ADAMTS6: variants seen among roughly 807,000 people sequenced by gnomAD.
ADAMTS6 encodes the protein ADAM metallopeptidase with thrombospondin type 1 motif 6, also known as A disintegrin and metalloproteinase with thrombospondin motifs 6.
ADAMTS6 carries 23 observed loss-of-function variants against 144.3 expected under a neutral mutation model. The ratio of observed to expected loss-of-function variants is 0.16; its 90% CI spans 0.11 to 0.23. The LOEUF is 0.23. ADAMTS6 is among the 10% of genes least tolerant of loss of function. The pLI, the probability that ADAMTS6 is intolerant of heterozygous loss-of-function variation, is 1.00. For synonymous variants in ADAMTS6, 444 were observed against 457.5 expected, an observed-to-expected ratio of 0.97 and a Z score of 0.38; for missense variants, 999 against 1,379.6, an observed-to-expected ratio of 0.72 and a Z score of 4.37.
intron 7 of ADAMTS6, among the ~76,000 whole-genome samples, chr5:65,385,672 T>C (rs1313051757): frequency 6.6e-6 from 1 of 152,238 alleles, no homozygotes. Context: ...TGATTCCCAA[T>C]AAATTTCTAA....
At chr5:65,232,521 A>C (rs760682987) in intron 15 of ADAMTS6, among the ~76,000 whole-genome samples, 28 of 152,228 alleles carry the variant, frequency 1.8e-4, no homozygotes, top group Non-Finnish European at 3.8e-4. Context: ...AGGAGACATT[A>C]CAACAGACAC....
At chr5:65,221,971 T>C (rs914644122) in intron 18 of ADAMTS6, among the ~76,000 whole-genome samples, 1 of 152,080 alleles carries the variant, frequency 6.6e-6, no homozygotes, top group Admixed American at 6.5e-5. Context: ...GGTGAAAAAA[T>C]TTTAAAAAGA....
chr5:65,440,093 C>A (rs1167160557), intron 7 of ADAMTS6, among the ~76,000 whole-genome samples: 5 of 152,162 alleles, frequency 3.3e-5, no homozygotes, highest in Non-Finnish European at 7.3e-5. Flanking sequence ...CAGGCGTGAG[C>A]CACCATACCC....
chr5:65,298,705 G>T (rs768691629), intron 10 of ADAMTS6, among the ~76,000 whole-genome samples: 1 of 152,036 alleles, frequency 6.6e-6, no homozygotes, highest in Non-Finnish European at 1.5e-5. Flanking sequence ...GTTATCAGAA[G>T]AACTACCTTC....
At chr5:65,363,465 C>A (rs75696004) in intron 7 of ADAMTS6, among the ~76,000 whole-genome samples, 2,655 of 152,202 alleles carry the variant, frequency 0.017, 41 homozygotes, top group East Asian at 0.083. Context: ...AAAGTAAAAG[C>A]AAATGTTATC....
chr5:65,348,271 A>G (rs1225273909), intron 7 of ADAMTS6, among the ~76,000 whole-genome samples: 2 of 152,148 alleles, frequency 1.3e-5, no homozygotes, highest in African/African-American at 4.8e-5. Flanking sequence ...TCTATCTACA[A>G]CGAATGGATA....
intron 7 of ADAMTS6, among the ~76,000 whole-genome samples, chr5:65,335,096 C>G (rs1345155117): frequency 1.3e-5 from 2 of 151,952 alleles, no homozygotes; most frequent in Non-Finnish European, 2.9e-5. Context: ...CAAATAATCC[C>G]ATTCTTACTT....
intron 7 of ADAMTS6, 122 bp downstream of exon 7, chr5:65,451,353 A>T: frequency 2.8e-6 from 3 of 1,066,344 alleles, no homozygotes; most frequent in Non-Finnish European, 4.0e-6. Flanking sequence ...GTAGTGAAAA[A>T]TAAATTACCA....
intron 18 of ADAMTS6, among the ~76,000 whole-genome samples, chr5:65,223,152 C>T (rs2112380020): frequency 6.6e-6 from 1 of 152,200 alleles, no homozygotes; most frequent in Admixed American, 6.5e-5. Flanking sequence ...TAAAATAATA[C>T]ATCCATTTTG....
chr5:65,266,490 T>C (rs976385341), intron 12 of ADAMTS6, among the ~76,000 whole-genome samples: 6 of 151,900 alleles, frequency 3.9e-5, no homozygotes, highest in African/African-American at 1.2e-4. Context: ...GTGTAGTCTC[T>C]AATTTAATAC....
At chr5:65,332,306 TATATATAGAGAGAG>T (rs778415330) in intron 8 of ADAMTS6, among the ~76,000 whole-genome samples, 1 of 120,612 alleles carries the variant, frequency 8.3e-6, no homozygotes, top group African/African-American at 2.8e-5. Flanking sequence ...TATATATATA[TATATATAGAGAGAG>T]AGAGAGAGAG....
chr5:65,473,496 C>A (rs1760625169), intron 2 of ADAMTS6, 81 bp downstream of exon 2: 1 of 1,236,272 alleles, frequency 8.1e-7, no homozygotes. Context: ...AAAAACTATC[C>A]ACCCAAACTA....
chr5:65,213,882 A>G (rs1580076772), intron 20 of ADAMTS6, among the ~76,000 whole-genome samples: 2 of 152,302 alleles, frequency 1.3e-5, no homozygotes, highest in East Asian at 3.9e-4. Flanking sequence ...TTTAAAATTT[A>G]ATCTTTGCTT....
rs550846642 is a variant in ADAMTS6, at chr5:65,466,109, A to G, written c.462+4669T>C. Among the ~76,000 whole-genome samples, 76 of 152,272 alleles carry G rather than the reference A, an allele frequency of 5.0e-4. 1 individual carries two copies. The highest frequency in any genetic ancestry group is 1.8e-3 in the African/African-American group (75 of 41,564). Reference sequence around the variant, plus strand: ...CTCGAACAGCTTTTTCATCTCAGTTAATTCCAGAGTCTTTCTCATCTTAGT... The same window carrying G: ...CTCGAACAGCTTTTTCATCTCAGTTGATTCCAGAGTCTTTCTCATCTTAGT... On this transcript the variant is annotated intron_variant, in intron 3 of 24. Coordinates refer to ENST00000381055, the MANE Select transcript of ADAMTS6 (RefSeq NM_197941.4).
intron 11 of ADAMTS6, among the ~76,000 whole-genome samples, chr5:65,288,313 CTTTTCT>C (rs1172832205): frequency 3.1e-5 from 4 of 130,338 alleles, no homozygotes; most frequent in East Asian, 2.2e-4. Context: ...TTTTTCTTTT[CTTTTCT>C]TTTTTTTTTT....
chr5:65,155,630 T>C (rs1024498939), intron 24 of ADAMTS6, among the ~76,000 whole-genome samples: 4 of 152,234 alleles, frequency 2.6e-5, no homozygotes, highest in African/African-American at 9.6e-5. Flanking sequence ...CAGCTTTATA[T>C]AGACAGCAAA....
rs778374240 is a variant in ADAMTS6, at chr5:65,452,963, T to C, written c.632-45A>G. ...TTCAGATAGGTTCACTAATTAAAAA[T>C]ATTTATTTATAGATCTTTCATGTAG... is the stretch of plus-strand genomic sequence containing the variant. On this transcript the variant is annotated intron_variant, in intron 4 of 24. Coordinates refer to ENST00000381055, the MANE Select transcript of ADAMTS6 (RefSeq NM_197941.4). 7.8e-6 allele frequency: 11 copies of C among 1,418,360 alleles called. No individual in the cohort carries two copies. The African/African-American group carries it at 1.6e-4, about 20-fold the overall frequency. The allele number at this position is 1,418,360 out of a possible 1,614,324, so 87.9% of individuals were successfully genotyped here.
chr5:65,172,552 C>T (rs532998880), intron 23 of ADAMTS6, among the ~76,000 whole-genome samples: 1 of 152,100 alleles, frequency 6.6e-6, no homozygotes, highest in Non-Finnish European at 1.5e-5. Flanking sequence ...AGATCTCTAT[C>T]GGTTATTCTA....
chr5:65,239,794 G>A (rs1052859039), intron 15 of ADAMTS6, among the ~76,000 whole-genome samples: 4 of 151,998 alleles, frequency 2.6e-5, no homozygotes, highest in African/African-American at 4.8e-5. Flanking sequence ...AAATGGAAAC[G>A]GAAATTTCAC....
Sources: allele counts gnomAD v4.1 joint callset (sites outside exome capture counted in the v4.1 genomes callset), GRCh38; gene constraint gnomAD v4.1.1; transcripts MANE v1.5; gene names NCBI Gene and HGNC (gene_info 2026-07-23, HGNC 2026-07-21).